Variants in LINGO2 observed in about 807,000 individuals in gnomAD.
LINGO2 encodes the protein leucine rich repeat and Ig domain containing 2.
In LINGO2, 14 loss-of-function variants were observed where a neutral mutation model predicts 30.6. That is an observed-to-expected ratio of 0.46 (90% CI 0.30 to 0.72). The LOEUF (loss-of-function observed/expected upper bound fraction) is 0.72, where lower values mean the gene tolerates loss of function less well. Among genes scored for constraint, LINGO2 ranks in the 30% least tolerant of loss-of-function variants. The pLI is 0.07. For synonymous variants in LINGO2, 317 were observed against 288.5 expected (o/e 1.10, Z -1.00); for missense variants, 729 against 751.7 (o/e 0.97, Z 0.35).
At chr9:28,305,183 C>G (rs561489005) in intron 3 of LINGO2, among the ~76,000 whole-genome samples, 1 of 152,032 alleles carries the variant, frequency 6.6e-6, no homozygotes, top group African/African-American at 2.4e-5. Context: ...ACATCAATTC[C>G]TCATAAAAAC....
intron 1 of LINGO2, among the ~76,000 whole-genome samples, chr9:28,587,683 G>C (rs1045702100): frequency 1.3e-5 from 2 of 151,730 alleles, no homozygotes; most frequent in Non-Finnish European, 2.9e-5. Context: ...AACTGAGAAG[G>C]GGAGGAATAG....
In LINGO2 at chr9:28,237,914, T is replaced by C. The variant is rs72709317; in HGVS notation, c.-87+57294A>G. 7.7e-3 allele frequency among the ~76,000 whole-genome samples: 1,174 copies of C among 151,742 alleles called. 7 individuals carry two copies. Among genetic ancestry groups the C allele is most frequent in the Middle Eastern group, 0.031 (9 of 294 alleles). On this transcript the variant is annotated intron_variant, in intron 4 of 5. Transcript: ENST00000379992. ...CTTCACTGATAAATATGCACATAGATTGAAAATAAAGAAATGGAAAAGGAT... is the reference window on the plus strand; with the variant it reads ...CTTCACTGATAAATATGCACATAGACTGAAAATAAAGAAATGGAAAAGGAT...
intron 4 of LINGO2, among the ~76,000 whole-genome samples, chr9:28,120,192 A>C (rs1827054189): frequency 6.6e-6 from 1 of 152,202 alleles, no homozygotes; most frequent in Non-Finnish European, 1.5e-5. Context: ...CTGCTATCCC[A>C]GGCACAAAAA....
chr9:28,885,374 CATATATATAT>C, the LINGO2 span, among the ~76,000 whole-genome samples: 2 of 143,686 alleles, frequency 1.4e-5, no homozygotes, highest in Admixed American at 7.1e-5. Flanking sequence ...CACACACACA[CATATATATAT>C]ACACATACAT....
At chr9:29,084,077 G>A in the LINGO2 span, among the ~76,000 whole-genome samples, 1,352 of 151,076 alleles carry the variant, frequency 8.9e-3, 27 homozygotes, top group African/African-American at 0.031. Context: ...TACTAAAACT[G>A]TATAAGTAAT....
At chr9:29,114,657 G>T in the LINGO2 span, among the ~76,000 whole-genome samples, 2 of 148,842 alleles carry the variant, frequency 1.3e-5, no homozygotes, top group Non-Finnish European at 3.0e-5. Context: ...GCAGTGATTG[G>T]TTTTTTTGTC....
At chr9:28,526,055 C>CAAAATAAAAAA (rs1821020536) in intron 1 of LINGO2, among the ~76,000 whole-genome samples, 1 of 48,516 alleles carries the variant, frequency 2.1e-5, no homozygotes, top group Non-Finnish European at 3.7e-5. Context: ...GACTCCGTCT[C>CAAAATAAAAAA]AAAAAAAAAA....
At position 28,444,599 on chromosome 9, in the gene LINGO2, C is replaced by T. The variant is rs59792769; in HGVS notation, c.-279+31341G>A. ...TGTGACAGGCTGTATGTAACACCCTCTTTGGACTCTGTGGTTTCTGGCATC... is the reference window on the plus strand; with the variant it reads ...TGTGACAGGCTGTATGTAACACCCTTTTTGGACTCTGTGGTTTCTGGCATC... On this transcript the variant is annotated intron_variant, in intron 2 of 5. Transcript: ENST00000379992. Among the ~76,000 whole-genome samples, 982 of 152,332 alleles carry T rather than the reference C, an allele frequency of 6.4e-3. 40 individuals are homozygous for T. The East Asian group carries it at 0.094, about 15-fold the overall frequency.
intron 3 of LINGO2, among the ~76,000 whole-genome samples, chr9:28,368,885 C>G (rs1269351141): frequency 1.3e-5 from 2 of 152,134 alleles, no homozygotes; most frequent in East Asian, 3.9e-4. Flanking sequence ...CGTGAGCCAC[C>G]GTGCCCAGCC....
chr9:28,089,216 T>G (rs942846295), intron 4 of LINGO2, among the ~76,000 whole-genome samples: 3 of 152,184 alleles, frequency 2.0e-5, no homozygotes, highest in Non-Finnish European at 4.4e-5. Context: ...CAAGTGGACC[T>G]AATAGACATC....
chr9:27,942,609 T>A, the LINGO2 span: 1 of 152,154 alleles, frequency 6.6e-6, no homozygotes. Flanking sequence ...CTTTCAGGCA[T>A]TTTTTACGAA....
chr9:29,027,824 C>A, the LINGO2 span, among the ~76,000 whole-genome samples: 1 of 152,244 alleles, frequency 6.6e-6, no homozygotes, highest in South Asian at 2.1e-4. Flanking sequence ...CTAAACTTTA[C>A]TTTTCCATCC....
intron 1 of LINGO2, among the ~76,000 whole-genome samples, chr9:28,597,259 T>C (rs1825229719): frequency 6.6e-6 from 1 of 152,080 alleles, no homozygotes; most frequent in African/African-American, 2.4e-5. Flanking sequence ...AAAGTAAAAA[T>C]ATGAATCTTC....
chr9:28,377,589 A>C (rs547732622), intron 2 of LINGO2, among the ~76,000 whole-genome samples: 1 of 152,300 alleles, frequency 6.6e-6, no homozygotes, highest in African/African-American at 2.4e-5. Context: ...TCAAAGCTCA[A>C]GTGGATATAG....
At chr9:28,087,966 A>G (rs1825961728) in intron 4 of LINGO2, among the ~76,000 whole-genome samples, 1 of 152,032 alleles carries the variant, frequency 6.6e-6, no homozygotes, top group Non-Finnish European at 1.5e-5. Context: ...ACAGAATAAT[A>G]GGCATCTGTT....
At chr9:28,652,125 A>G (rs1021428810) in intron 1 of LINGO2, among the ~76,000 whole-genome samples, 14 of 152,068 alleles carry the variant, frequency 9.2e-5, no homozygotes, top group African/African-American at 3.4e-4. Flanking sequence ...CTATTCTATA[A>G]GCACAAGGAC....
intron 4 of LINGO2, among the ~76,000 whole-genome samples, chr9:28,090,735 A>G (rs1040785488): frequency 2.0e-5 from 3 of 152,164 alleles, no homozygotes; most frequent in Non-Finnish European, 4.4e-5. Flanking sequence ...GAGGAGAAAG[A>G]AATAAAGGGT....
chr9:28,998,525 T>G, the LINGO2 span, among the ~76,000 whole-genome samples: 2 of 152,098 alleles, frequency 1.3e-5, no homozygotes, highest in African/African-American at 4.8e-5. Flanking sequence ...CTTCTTAAAA[T>G]GAAACAATTA....
chr9:28,222,936 T>G (rs4399024), intron 4 of LINGO2, among the ~76,000 whole-genome samples: 70,943 of 151,916 alleles, frequency 0.47, 17,051 homozygotes, highest in East Asian at 0.61. Flanking sequence ...ACCTAGTTAG[T>G]CAGAGGAATG....
Sources: gnomAD v4.1 joint callset for allele counts (sites outside exome capture counted in the v4.1 genomes callset) on GRCh38, gnomAD v4.1.1 for gene constraint, MANE v1.5 for transcripts, NCBI Gene and HGNC (gene_info 2026-07-23, HGNC 2026-07-21) for gene names.